The following PAN3 variants were observed in gnomAD, a reference collection of about 807,000 sequenced individuals.
PAN3 encodes the protein PAN2-PAN3 deadenylation complex subunit PAN3.
In PAN3, 19 loss-of-function variants were observed where a neutral mutation model predicts 96.2. That is an observed-to-expected ratio of 0.20 (90% CI 0.14 to 0.29). The LOEUF is 0.29. Ranked by LOEUF, PAN3 falls within the 10% of genes least tolerant of loss-of-function variation. The probability of loss-of-function intolerance (pLI) is 1.00; values close to 1 mark genes in which losing one functional copy is unlikely to be tolerated. For synonymous variants in PAN3, 433 were observed against 406.6 expected (o/e 1.06, Z -0.78); for missense variants, 882 against 1,108.1 (o/e 0.80, Z 2.90).
intron 6 of PAN3, chr13:28,239,928 G>A (rs1883490234): frequency 4.6e-6 from 1 of 219,528 alleles, no homozygotes; most frequent in South Asian, 5.8e-5. Context: ...CAGCATAGAA[G>A]CTTTGCAGTC....
Position 28,292,575 on chromosome 13 carries a change from A to G in PAN3, c.*53A>G. 6.6e-7 allele frequency: 1 copy of G among 1,519,538 alleles called. No homozygotes were observed. The highest frequency in any genetic ancestry group is 1.4e-5 in the African/African-American group (1 of 71,942). 94.1% of individuals were successfully genotyped at this position (1,519,538 alleles called of 1,614,324 possible). A position where few individuals can be genotyped will look rare whatever the true frequency, so the allele number is the denominator to read the frequency against. ...GGCTAAAGACCTTAACCAATAGCAA[A>G]TTGCACTACAGCTGAACTTTTCATC... On this transcript the variant is annotated 3_prime_UTR_variant, in exon 19 of 19. Coordinates refer to ENST00000380958, the MANE Select transcript of PAN3 (RefSeq NM_175854.8).
chr13:28,176,707 A>G (rs780960332), intron 3 of PAN3, 148 bp downstream of exon 3: 14 of 794,602 alleles, frequency 1.8e-5, no homozygotes, highest in South Asian at 7.5e-5. Context: ...AGATCTAACT[A>G]TTGAGATTTA....
chr13:28,174,526 T>A, intron 2 of PAN3, 133 bp downstream of exon 2: 1 of 1,011,822 alleles, frequency 9.9e-7, no homozygotes. Context: ...GGGTGAGATG[T>A]AGGTAAACTA....
At chr13:28,167,369 C>T (rs1470424925) in intron 1 of PAN3, among the ~76,000 whole-genome samples, 3 of 151,786 alleles carry the variant, frequency 2.0e-5, no homozygotes, top group Non-Finnish European at 1.5e-5. Context: ...CCATGTTGGC[C>T]GGGTTGGTCT....
intron 17 of PAN3, among the ~76,000 whole-genome samples, chr13:28,284,170 A>T (rs1301617373): frequency 6.6e-6 from 1 of 152,156 alleles, no homozygotes; most frequent in Non-Finnish European, 1.5e-5. Context: ...AAACTCTTAG[A>T]TTTTTGTCAA....
intron 1 of PAN3, among the ~76,000 whole-genome samples, chr13:28,164,726 A>G (rs558178475): frequency 1.9e-4 from 29 of 152,322 alleles, no homozygotes; most frequent in African/African-American, 6.7e-4. Context: ...TTTCTTGACC[A>G]TAGATGACCT....
At chr13:28,200,611 T>C (rs1033127179) in intron 5 of PAN3, among the ~76,000 whole-genome samples, 1 of 152,220 alleles carries the variant, frequency 6.6e-6, no homozygotes, top group African/African-American at 2.4e-5. Context: ...TACTTTATGA[T>C]ACGAAGGAGC....
chr13:28,176,622 A>G, intron 3 of PAN3, 63 bp downstream of exon 3: 2 of 1,474,378 alleles, frequency 1.4e-6, no homozygotes, highest in Non-Finnish European at 1.9e-6. Flanking sequence ...TAAAAGTAAT[A>G]TACAACCATT....
intron 9 of PAN3, among the ~76,000 whole-genome samples, chr13:28,264,128 T>C (rs1489546240): frequency 6.6e-6 from 1 of 152,232 alleles, no homozygotes; most frequent in Non-Finnish European, 1.5e-5. Context: ...ATACTTCAAG[T>C]ATTTCTAAAC....
intron 5 of PAN3, among the ~76,000 whole-genome samples, chr13:28,198,302 A>AAG (rs71714200): frequency 1.3e-5 from 2 of 151,972 alleles, no homozygotes; most frequent in East Asian, 3.9e-4. Flanking sequence ...AAAAAAAAAA[A>AAG]GAGTCGTATA....
intron 1 of PAN3, among the ~76,000 whole-genome samples, chr13:28,172,610 A>G (rs941089641): frequency 6.6e-6 from 1 of 152,232 alleles, no homozygotes; most frequent in Middle Eastern, 3.4e-3. Context: ...CTGTCCTCCA[A>G]TTTTAGTTCT....
rs149252110 is a variant in PAN3 at position 28,184,621 on chromosome 13, T to C, written c.690+6686T>C. 5.2e-3 allele frequency among the ~76,000 whole-genome samples: 785 copies of C among 152,298 alleles called. 2 individuals carry two copies. The highest frequency in any genetic ancestry group is 7.3e-3 in the Admixed American group (111 of 15,286). ...ATTTTTTATAATTGACAGACAACTTTTCAGAAATGTAGCACAAATTATATT... is the reference window on the plus strand; with the variant it reads ...ATTTTTTATAATTGACAGACAACTTCTCAGAAATGTAGCACAAATTATATT... On this transcript the variant is annotated intron_variant, in intron 4 of 18. Coordinates refer to ENST00000380958, the MANE Select transcript of PAN3 (RefSeq NM_175854.8).
At chr13:28,236,410 C>G (rs945872323) in intron 6 of PAN3, among the ~76,000 whole-genome samples, 1 of 152,044 alleles carries the variant, frequency 6.6e-6, no homozygotes, top group African/African-American at 2.4e-5. Flanking sequence ...TTAAAAAATT[C>G]ACAGGAGATT....
intron 6 of PAN3, among the ~76,000 whole-genome samples, chr13:28,233,007 T>C (rs147197088): frequency 1.6e-3 from 239 of 152,268 alleles, no homozygotes; most frequent in African/African-American, 5.7e-3. Flanking sequence ...AGAATACTAT[T>C]ATCTTTTTTT....
At chr13:28,223,992 G>A (rs1268212217) in intron 6 of PAN3, among the ~76,000 whole-genome samples, 12 of 144,732 alleles carry the variant, frequency 8.3e-5, no homozygotes, top group African/African-American at 2.3e-4. Flanking sequence ...CCTCAGCCTC[G>A]CGAGTAGCTG....
intron 1 of PAN3, among the ~76,000 whole-genome samples, chr13:28,161,589 G>A (rs2138030759): frequency 6.6e-6 from 1 of 152,252 alleles, no homozygotes; most frequent in African/African-American, 2.4e-5. Context: ...AATGTGGTGG[G>A]GGTTGGGAGG....
At chr13:28,142,096 C>T (rs1410989271) in intron 1 of PAN3, among the ~76,000 whole-genome samples, 3 of 152,154 alleles carry the variant, frequency 2.0e-5, no homozygotes, top group Non-Finnish European at 4.4e-5. Flanking sequence ...CTGTGATAGG[C>T]TTCTTGGTAT....
intron 6 of PAN3, among the ~76,000 whole-genome samples, chr13:28,243,305 A>C (rs1043208613): frequency 6.6e-6 from 1 of 152,236 alleles, no homozygotes; most frequent in African/African-American, 2.4e-5. Context: ...GGTTGAAGCA[A>C]ATATTCCAGA....
Position 28,144,388 on chromosome 13 carries a change from T to C in PAN3, c.430+5301T>C, listed in dbSNP as rs548382094. Reference sequence around the variant, plus strand: ...CGCCACCACGCCCAGATAATTTTTTTGTATTTTTAGTAGAGACGGGGTTTC... The same window carrying C: ...CGCCACCACGCCCAGATAATTTTTTCGTATTTTTAGTAGAGACGGGGTTTC... On this transcript the variant is annotated intron_variant, in intron 1 of 18. Coordinates refer to ENST00000380958, the MANE Select transcript of PAN3 (RefSeq NM_175854.8). Among the ~76,000 whole-genome samples, 17 of 152,008 alleles carry C rather than the reference T, an allele frequency of 1.1e-4. No individual in the cohort carries two copies. In the South Asian group the frequency reaches 2.9e-3, roughly 26 times the overall value.
Sources: allele counts gnomAD v4.1 joint callset (sites outside exome capture counted in the v4.1 genomes callset), GRCh38; gene constraint gnomAD v4.1.1; transcripts MANE v1.5; gene names NCBI Gene and HGNC (gene_info 2026-07-23, HGNC 2026-07-21).